PDZRN3: variants seen among roughly 807,000 people sequenced by gnomAD.
PDZRN3 encodes PDZ domain containing ring finger 3, also known as E3 ubiquitin-protein ligase PDZRN3.
A neutral mutation model predicts 85.7 loss-of-function variants in PDZRN3; 38 were observed. The ratio of observed to expected loss-of-function variants is 0.44; its 90% confidence interval spans 0.34 to 0.58. The LOEUF (loss-of-function observed/expected upper bound fraction) is 0.58. Ranked by LOEUF, PDZRN3 falls within the 20% of genes least tolerant of loss-of-function variation. The probability of loss-of-function intolerance (pLI) is 0.01; values close to 1 mark genes in which losing one functional copy is unlikely to be tolerated. For missense variants in PDZRN3, 1,629 were observed against 1,506.4 expected, an observed-to-expected ratio of 1.08 and a Z score of -1.35; for synonymous variants, 759 against 638.0, an observed-to-expected ratio of 1.19 and a Z score of -2.86.
intron 3 of PDZRN3, among the ~76,000 whole-genome samples, chr3:73,512,527 T>G (rs557307998): frequency 2.5e-4 from 38 of 152,140 alleles, no homozygotes; most frequent in Non-Finnish European, 5.0e-4. Context: ...TTTAGTTGTT[T>G]TTTTTCTTTT....
chr3:73,503,021 T>A (rs1169008331), intron 3 of PDZRN3, among the ~76,000 whole-genome samples: 1 of 152,224 alleles, frequency 6.6e-6, no homozygotes, highest in Non-Finnish European at 1.5e-5. Flanking sequence ...ATGAATACTG[T>A]TGGTCAGAGA....
chr3:73,443,544 G>A (rs1702689745), intron 3 of PDZRN3, among the ~76,000 whole-genome samples: 1 of 142,600 alleles, frequency 7.0e-6, no homozygotes. Context: ...GGAGTTCAGT[G>A]GTACGATCAT....
chr3:73,594,415 C>T (rs1575755649), intron 3 of PDZRN3, among the ~76,000 whole-genome samples: 1 of 152,134 alleles, frequency 6.6e-6, no homozygotes, highest in Non-Finnish European at 1.5e-5. Flanking sequence ...GTATCCTGTA[C>T]AAAAATTTTA....
At chr3:73,543,045 A>G (rs1701324393) in intron 3 of PDZRN3, among the ~76,000 whole-genome samples, 1 of 152,208 alleles carries the variant, frequency 6.6e-6, no homozygotes, top group African/African-American at 2.4e-5. Flanking sequence ...ATAAATGCAA[A>G]TACACACTGC....
intron 3 of PDZRN3, among the ~76,000 whole-genome samples, chr3:73,578,162 C>CT (rs61521063): frequency 0.15 from 17,139 of 115,346 alleles, 1,533 homozygotes; most frequent in African/African-American, 0.2. Context: ...TTTGACCATT[C>CT]TTTTTTTTTT....
At chr3:73,590,049 A>G (rs559226675) in intron 3 of PDZRN3, among the ~76,000 whole-genome samples, 2 of 152,230 alleles carry the variant, frequency 1.3e-5, no homozygotes, top group East Asian at 1.9e-4. Flanking sequence ...CAGGTGGATC[A>G]CTTGAGGTCA....
chr3:73,435,189 T>C (rs1194425512), intron 3 of PDZRN3, among the ~76,000 whole-genome samples: 2 of 152,168 alleles, frequency 1.3e-5, no homozygotes, highest in East Asian at 3.9e-4. Flanking sequence ...CCACTTGGGC[T>C]GATGGCCAGC....
intron 3 of PDZRN3, among the ~76,000 whole-genome samples, chr3:73,500,494 G>A (rs1181730807): frequency 6.6e-6 from 1 of 152,132 alleles, no homozygotes; most frequent in East Asian, 1.9e-4. Flanking sequence ...TTTCTGAGCT[G>A]AGTTGCCAGG....
At chr3:73,552,838 G>C (rs1479941575) in intron 3 of PDZRN3, among the ~76,000 whole-genome samples, 15 of 152,184 alleles carry the variant, frequency 9.9e-5, no homozygotes, top group Admixed American at 8.5e-4. Flanking sequence ...ATTTCTATTA[G>C]AGTATAAACA....
chr3:73,609,523 G>A (rs1436024118), intron 1 of PDZRN3, among the ~76,000 whole-genome samples: 4 of 152,082 alleles, frequency 2.6e-5, no homozygotes, highest in South Asian at 2.1e-4. Context: ...CATTCAACTC[G>A]CTGATACACC....
chr3:73,397,930 A>G (rs79391931), intron 5 of PDZRN3, among the ~76,000 whole-genome samples: 6,463 of 152,264 alleles, frequency 0.042, 182 homozygotes, highest in Non-Finnish European at 0.066. Flanking sequence ...GAAGAAACGA[A>G]AAGCTAATGT....
chr3:73,408,293 G>A, intron 3 of PDZRN3: 1 of 691,866 alleles, frequency 1.4e-6, no homozygotes. Flanking sequence ...TGCTTTTTAG[G>A]GTAATATAAA....
At chr3:73,468,646 T>C (rs1196004783) in intron 3 of PDZRN3, among the ~76,000 whole-genome samples, 3 of 152,192 alleles carry the variant, frequency 2.0e-5, no homozygotes, top group Non-Finnish European at 4.4e-5. Context: ...CAGATTGAAA[T>C]AGGTATTTAA....
At chr3:73,534,297 G>A (rs1704727463) in intron 3 of PDZRN3, among the ~76,000 whole-genome samples, 1 of 152,172 alleles carries the variant, frequency 6.6e-6, no homozygotes, top group African/African-American at 2.4e-5. Context: ...GGGTGAATGA[G>A]TTGACCCACT....
rs1702464139 is a variant in PDZRN3 at position 73,433,079 on chromosome 3, G to A, written c.919-28684C>T. Among the ~76,000 whole-genome samples the A allele has an allele frequency of 2.0e-5, 3 of 152,176 alleles. No individual in the cohort carries two copies. The South Asian group carries it at 6.2e-4, about 32-fold the overall frequency. ...ATCTGATGTGAATGACAGCACCCAA[G>A]ATCAAGTCACTTGCTTTTGAAGTTC... On this transcript the variant is annotated intron_variant, in intron 3 of 9. Transcript: ENST00000263666.
rs1279258373 is a variant in PDZRN3 at position 73,541,069 on chromosome 3, A to T, written c.918+61285T>A. ...CCTGGGAACTTGTGGAAAACTTTTA[A>T]TTCCATTTATGGAGGTTAATAAAAA... On this transcript the variant is annotated intron_variant, in intron 3 of 9. Transcript: ENST00000263666. 3.3e-5 allele frequency among the ~76,000 whole-genome samples: 5 copies of T among 152,196 alleles called. No individual in the cohort carries two copies. The East Asian group carries it at 9.6e-4, about 29-fold the overall frequency.
At chr3:73,516,889 G>A (rs1453114802) in intron 3 of PDZRN3, among the ~76,000 whole-genome samples, 1 of 152,174 alleles carries the variant, frequency 6.6e-6, no homozygotes. Context: ...CCTATGGAAT[G>A]GGCTATGAGG....
At chr3:73,562,247 T>C (rs918442787) in intron 3 of PDZRN3, among the ~76,000 whole-genome samples, 3 of 151,496 alleles carry the variant, frequency 2.0e-5, no homozygotes, top group Admixed American at 1.3e-4. Flanking sequence ...AAAAAAAGAG[T>C]CATGAGAATA....
At chr3:73,430,547 C>T (rs1702411311) in intron 3 of PDZRN3, among the ~76,000 whole-genome samples, 1 of 152,088 alleles carries the variant, frequency 6.6e-6, no homozygotes, top group Non-Finnish European at 1.5e-5. Context: ...ATTGGAAGAC[C>T]CTCCTCAAAG....
Sources: allele counts gnomAD v4.1 joint callset (sites outside exome capture counted in the v4.1 genomes callset), GRCh38; gene constraint gnomAD v4.1.1; transcripts MANE v1.5; gene names NCBI Gene and HGNC (gene_info 2026-07-23, HGNC 2026-07-21).